The following OPA1 variants were observed in gnomAD, a reference collection of about 807,000 sequenced individuals.
OPA1 encodes OPA1 mitochondrial dynamin like GTPase.
Under a neutral mutation model 152.9 loss-of-function variants are expected in OPA1, and 59 were observed. The observed-to-expected ratio is 0.39, with a 90% CI of 0.31 to 0.48. The LOEUF is 0.48. Among genes scored for constraint, OPA1 ranks in the 20% least tolerant of loss-of-function variants. The pLI is 0.96. For missense variants in OPA1, 1,008 were observed against 1,216.8 expected, an observed-to-expected ratio of 0.83 and a Z score of 2.55; for synonymous variants, 400 against 389.9, an observed-to-expected ratio of 1.03 and a Z score of -0.31.
At chr3:193,689,339 C>T (rs562938999) in intron 29 of OPA1, among the ~76,000 whole-genome samples, 1 of 152,332 alleles carries the variant, frequency 6.6e-6, no homozygotes, top group East Asian at 1.9e-4. Context: ...ACCCCCATTA[C>T]TTCCTGGTAA....
chr3:193,594,878 A>G (rs1171124812), intron 1 of OPA1, among the ~76,000 whole-genome samples: 1 of 152,222 alleles, frequency 6.6e-6, no homozygotes, highest in Non-Finnish European at 1.5e-5. Flanking sequence ...CTACTTCTCA[A>G]TATTTAGTGA....
chr3:193,605,815 C>T (rs1199630704), intron 1 of OPA1, among the ~76,000 whole-genome samples: 1 of 152,170 alleles, frequency 6.6e-6, no homozygotes, highest in Admixed American at 6.5e-5. Context: ...TGGATGGGTT[C>T]AGATATGGGA....
intron 24 of OPA1, 134 bp from the exon 25 acceptor site, chr3:193,659,348 G>GTT: frequency 1.3e-6 from 1 of 769,508 alleles, no homozygotes; most frequent in Non-Finnish European, 2.2e-6. Flanking sequence ...AGTCATGTGG[G>GTT]TTTTTTCCTT....
intron 29 of OPA1, among the ~76,000 whole-genome samples, chr3:193,684,878 T>C (rs754809912): frequency 6.6e-6 from 1 of 152,050 alleles, no homozygotes; most frequent in South Asian, 2.1e-4. Context: ...GGCTAATTCA[T>C]GTTCATACTG....
At chr3:193,684,032 G>A (rs761497000) in intron 29 of OPA1, among the ~76,000 whole-genome samples, 1 of 152,160 alleles carries the variant, frequency 6.6e-6, no homozygotes, top group Non-Finnish European at 1.5e-5. Flanking sequence ...ATCATTCATG[G>A]TGGCCATCAG....
At chr3:193,654,439 T>C (rs1441248433) in intron 21 of OPA1, among the ~76,000 whole-genome samples, 1 of 151,528 alleles carries the variant, frequency 6.6e-6, no homozygotes, top group Non-Finnish European at 1.5e-5. Context: ...GAGGCTCCAG[T>C]GAGCCATGAA....
chr3:193,667,256 C>T lies in OPA1; in HGVS notation c.2959C>T (p.Arg987Cys), dbSNP rs145710079. ...EKKIKLLTGK[R>C]VQLAEDLKKV... Reference sequence around the variant, plus strand: ...GAAGATTAAATTGCTTACTGGTAAACGCGTTCAACTGGCGGAAGACCTCAG... The same window carrying T: ...GAAGATTAAATTGCTTACTGGTAAATGCGTTCAACTGGCGGAAGACCTCAG... The change falls in exon 29 of 31, where the codon CGC (arginine) becomes TGC (cysteine). Residue 987 changes from arginine to cysteine, a missense_variant. Around this residue, in one of 7 missense-constraint regions of OPA1, gnomAD observed 137 missense variants for 171.0 expected, o/e 0.80. Transcript: ENST00000361510. 19 of 1,589,286 alleles carry T rather than the reference C, an allele frequency of 1.2e-5. No individual in the cohort carries two copies. Among genetic ancestry groups the T allele is most frequent in the African/African-American group, 6.7e-5 (5 of 74,384 alleles).
At chr3:193,628,245 G>T (rs1175625161) in intron 7 of OPA1, among the ~76,000 whole-genome samples, 2 of 151,670 alleles carry the variant, frequency 1.3e-5, no homozygotes, top group Non-Finnish European at 2.9e-5. Context: ...CATCATTTTT[G>T]ATGTCTTATT....
intron 29 of OPA1, among the ~76,000 whole-genome samples, chr3:193,683,366 G>A (rs1720462988): frequency 6.6e-6 from 1 of 151,410 alleles, no homozygotes; most frequent in Non-Finnish European, 1.5e-5. Context: ...TTGTTGAAAT[G>A]GCAGTAAAGG....
In OPA1 at chr3:193,647,046, T is replaced by C; in HGVS notation, c.1755-19T>C. 6.6e-7 allele frequency: 1 copy of C among 1,515,106 alleles called. No individual in the cohort carries two copies. Among genetic ancestry groups the C allele is most frequent in the South Asian group, 1.1e-5 (1 of 88,236 alleles). The allele number at this position is 1,515,106 out of a possible 1,614,324, so 93.9% of individuals were successfully genotyped here. The stretch of plus-strand genomic sequence containing the variant: ...TGTCATTTTAATATACTTTAGCTCT[T>C]GTTATTTTTTTTTAATAGGACAAGC... On this transcript the variant is annotated intron_variant, in intron 18 of 30. Transcript: ENST00000361510.
chr3:193,649,584 A>G (rs143984510), intron 21 of OPA1, among the ~76,000 whole-genome samples: 12 of 152,330 alleles, frequency 7.9e-5, no homozygotes, highest in Admixed American at 1.3e-4. Flanking sequence ...GAGCAGAGCT[A>G]TCCTCACTGC....
intron 13 of OPA1, 63 bp from the exon 14 acceptor site, chr3:193,643,310 A>T (rs1734061103): frequency 7.2e-7 from 1 of 1,384,414 alleles, no homozygotes; most frequent in Non-Finnish European, 1.0e-6. Context: ...TTTCACCAAA[A>T]AAAATTCTTG....
Position 193,637,296 on chromosome 3 carries a change from G to T in OPA1, c.1035+15G>T. 1 of 1,555,222 alleles carries T rather than the reference G, an allele frequency of 6.4e-7. No individual in the cohort carries two copies. The highest frequency in any genetic ancestry group is 1.1e-5 in the South Asian group (1 of 89,268). On this transcript the variant is annotated intron_variant, in intron 10 of 30. Coordinates refer to ENST00000361510, the MANE Select transcript of OPA1 (RefSeq NM_130837.3). ...ATCTGCCACGGGTATGTGAAAAATT[G>T]ATAGTGAACTTGCCAATTAGCAAAA...
At chr3:193,622,508 T>C (rs1488187476) in intron 6 of OPA1, among the ~76,000 whole-genome samples, 1 of 152,184 alleles carries the variant, frequency 6.6e-6, no homozygotes, top group Admixed American at 6.5e-5. Flanking sequence ...ATTACAGGCG[T>C]GAGCCACCCA....
At chr3:193,689,676 C>T (rs1721409513) in intron 29 of OPA1, among the ~76,000 whole-genome samples, 1 of 152,112 alleles carries the variant, frequency 6.6e-6, no homozygotes, top group South Asian at 2.1e-4. Flanking sequence ...TGCAGTAGTC[C>T]ATCCAGCTTA....
chr3:193,647,981 A>C, intron 19 of OPA1, 89 bp from the exon 20 acceptor site: 2 of 891,988 alleles, frequency 2.2e-6, no homozygotes, highest in South Asian at 1.4e-5. Flanking sequence ...AAATTCAGTT[A>C]ATACAGAGGA....
chr3:193,675,461 C>G (rs1328287858), intron 29 of OPA1, among the ~76,000 whole-genome samples: 1 of 152,010 alleles, frequency 6.6e-6, no homozygotes, highest in African/African-American at 2.4e-5. Flanking sequence ...CTTGGGCTCA[C>G]AACACCATTT....
chr3:193,648,152 G>A lies in OPA1; in HGVS notation c.1935+18G>A, dbSNP rs776296586. On this transcript the variant is annotated intron_variant, in intron 20 of 30. Transcript: ENST00000361510. ...TTGACCGGGTAATATTTGGATACTC[G>A]TGTATTTTGTATATATCTTAATTTA... 33 of 1,555,332 alleles carry A rather than the reference G, an allele frequency of 2.1e-5. No homozygotes were observed. The highest frequency in any genetic ancestry group is 6.8e-5 in the African/African-American group (5 of 73,702).
At chr3:193,641,444 C>T (rs115215078) in intron 11 of OPA1, among the ~76,000 whole-genome samples, 746 of 67,724 alleles carry the variant, frequency 0.011, 8 homozygotes, top group African/African-American at 0.043. Context: ...GGAAATTGTG[C>T]GCAGGATGTA....
Sources: allele counts gnomAD v4.1 joint callset (sites outside exome capture counted in the v4.1 genomes callset), GRCh38; gene constraint gnomAD v4.1.1; regional missense constraint gnomAD v4.1.1; transcripts MANE v1.5; gene names NCBI Gene and HGNC (gene_info 2026-07-23, HGNC 2026-07-21).